The following EEFSEC variants were observed in gnomAD, a reference collection of about 807,000 sequenced individuals.
The protein encoded by EEFSEC is selenocysteine-specific elongation factor.
Under a neutral mutation model 42.1 loss-of-function variants are expected in EEFSEC, and 43 were observed. The ratio of observed to expected loss-of-function variants is 1.02; its 90% CI spans 0.80 to 1.32. The LOEUF (loss-of-function observed/expected upper bound fraction) is 1.32, where lower values mean the gene tolerates loss of function less well. Ranked by LOEUF, EEFSEC falls within the 40% of genes most tolerant of loss-of-function variation. The pLI is 0.00. For synonymous variants in EEFSEC, 354 were observed against 339.1 expected (o/e 1.04, Z -0.48); for missense variants, 745 against 803.6 (o/e 0.93, Z 0.88).
chr3:128,224,902 A>C (rs2065893901), intron 1 of EEFSEC, among the ~76,000 whole-genome samples: 1 of 152,264 alleles, frequency 6.6e-6, no homozygotes, highest in South Asian at 2.1e-4. Context: ...CCCGAGGCTC[A>C]GAGAGGTAGA....
chr3:128,264,972 C>G (rs749131163), intron 4 of EEFSEC, among the ~76,000 whole-genome samples, 191 bp downstream of exon 4: 1 of 152,198 alleles, frequency 6.6e-6, no homozygotes, highest in Non-Finnish European at 1.5e-5. Flanking sequence ...GATTCTAGGA[C>G]TGCTGCTCTC....
At chr3:128,390,152 C>CAT (rs1178272122) in intron 6 of EEFSEC, among the ~76,000 whole-genome samples, 1 of 152,222 alleles carries the variant, frequency 6.6e-6, no homozygotes, top group African/African-American at 2.4e-5. Flanking sequence ...ACTGTTTCTC[C>CAT]TGGATATAAT....
At chr3:128,397,507 A>G (rs1478380514) in intron 6 of EEFSEC, among the ~76,000 whole-genome samples, 1 of 152,222 alleles carries the variant, frequency 6.6e-6, no homozygotes, top group Non-Finnish European at 1.5e-5. Context: ...GAGGGTGGCA[A>G]TGGTAGCAGC....
intron 6 of EEFSEC, among the ~76,000 whole-genome samples, chr3:128,385,897 G>A (rs1167063912): frequency 3.9e-5 from 6 of 152,226 alleles, no homozygotes; most frequent in African/African-American, 1.4e-4. Flanking sequence ...ATCCCACGGT[G>A]GAACATGAGC....
At chr3:128,401,652 G>A (rs746084411) in intron 6 of EEFSEC, among the ~76,000 whole-genome samples, 1 of 152,170 alleles carries the variant, frequency 6.6e-6, no homozygotes, top group African/African-American at 2.4e-5. Context: ...CTGAGAGAGA[G>A]GCCAGAAAGA....
At chr3:128,355,997 C>T (rs1184590400) in intron 5 of EEFSEC, among the ~76,000 whole-genome samples, 1 of 152,160 alleles carries the variant, frequency 6.6e-6, no homozygotes, top group Non-Finnish European at 1.5e-5. Flanking sequence ...CTGCTGGGCA[C>T]CAGGGGCTGC....
chr3:128,383,951 C>T (rs73861060), intron 6 of EEFSEC, among the ~76,000 whole-genome samples: 10,813 of 152,314 alleles, frequency 0.071, 795 homozygotes, highest in African/African-American at 0.19. Flanking sequence ...TCAAGACAAA[C>T]TAGAAGTTCA....
chr3:128,363,107 A>G (rs1211480417), intron 6 of EEFSEC, among the ~76,000 whole-genome samples: 1 of 152,222 alleles, frequency 6.6e-6, no homozygotes, highest in African/African-American at 2.4e-5. Context: ...GCTATGATGT[A>G]TAGCAGTTGG....
intron 6 of EEFSEC, among the ~76,000 whole-genome samples, chr3:128,378,442 G>A (rs1040650434): frequency 3.3e-5 from 5 of 152,160 alleles, no homozygotes; most frequent in African/African-American, 1.2e-4. Context: ...TCCCGCCTGG[G>A]ACAGGAATCA....
At chr3:128,191,199 T>C (rs1420747527) in intron 1 of EEFSEC, among the ~76,000 whole-genome samples, 1 of 152,260 alleles carries the variant, frequency 6.6e-6, no homozygotes, top group Non-Finnish European at 1.5e-5. Context: ...CCTTCTAATA[T>C]TGCCATGTCG....
chr3:128,347,024 T>C (rs1325253470), intron 5 of EEFSEC, among the ~76,000 whole-genome samples: 1 of 152,200 alleles, frequency 6.6e-6, no homozygotes, highest in Non-Finnish European at 1.5e-5. Flanking sequence ...GCTCTTGAAA[T>C]AGAATGAGCA....
intron 1 of EEFSEC, among the ~76,000 whole-genome samples, chr3:128,211,539 G>A (rs536269563): frequency 2.0e-5 from 3 of 147,358 alleles, no homozygotes; most frequent in Non-Finnish European, 3.0e-5. Flanking sequence ...TTTTTTTTCT[G>A]GAGACAGAGT....
At chr3:128,217,800 G>A (rs1261498087) in intron 1 of EEFSEC, among the ~76,000 whole-genome samples, 2 of 152,162 alleles carry the variant, frequency 1.3e-5, no homozygotes, top group African/African-American at 4.8e-5. Context: ...CAGCATCATG[G>A]GGAGTAGGGA....
chr3:128,407,362 G>A (rs1334578408), intron 6 of EEFSEC, among the ~76,000 whole-genome samples: 1 of 152,190 alleles, frequency 6.6e-6, no homozygotes, highest in African/African-American at 2.4e-5. Context: ...GACTCTGTGA[G>A]CCCCATGGCC....
At chr3:128,300,542 A>AAAC (rs2066755704) in intron 4 of EEFSEC, among the ~76,000 whole-genome samples, 1 of 9,702 alleles carries the variant, frequency 1.0e-4, no homozygotes, top group Admixed American at 1.2e-3. Context: ...ACTCTGTCTG[A>AAAC]AAAAAAAAAA....
chr3:128,203,542 C>A (rs1202598448), intron 1 of EEFSEC, among the ~76,000 whole-genome samples: 1 of 152,184 alleles, frequency 6.6e-6, no homozygotes, highest in Non-Finnish European at 1.5e-5. Context: ...GGTGTGAGTC[C>A]ACAGCACTGA....
intron 4 of EEFSEC, among the ~76,000 whole-genome samples, chr3:128,307,204 C>G (rs1559912700): frequency 6.6e-6 from 1 of 152,270 alleles, no homozygotes; most frequent in African/African-American, 2.4e-5. Flanking sequence ...CAGGCACCCT[C>G]TGAGCACTGT....
At chr3:128,326,469 C>T (rs1202057418) in intron 4 of EEFSEC, among the ~76,000 whole-genome samples, 1 of 152,158 alleles carries the variant, frequency 6.6e-6, no homozygotes, top group Non-Finnish European at 1.5e-5. Context: ...GCAAGGAGCA[C>T]CTCGATTTTC....
intron 1 of EEFSEC, among the ~76,000 whole-genome samples, chr3:128,197,548 C>T (rs1366479404): frequency 6.6e-6 from 1 of 152,188 alleles, no homozygotes; most frequent in African/African-American, 2.4e-5. Flanking sequence ...GCTAGGATTA[C>T]AGGTGTGAGC....
Sources: gnomAD v4.1 joint callset for allele counts (sites outside exome capture counted in the v4.1 genomes callset) on GRCh38, gnomAD v4.1.1 for gene constraint, MANE v1.5 for transcripts, NCBI Gene and HGNC (gene_info 2026-07-23, HGNC 2026-07-21) for gene names.